WDR41: variants seen among roughly 807,000 people sequenced by gnomAD.
WDR41 encodes WD repeat domain 41, also known as WD repeat-containing protein 41.
A neutral mutation model predicts 69.3 loss-of-function variants in WDR41; 63 were observed. The observed-to-expected ratio is 0.91, with a 90% CI of 0.74 to 1.12. The LOEUF is 1.12. WDR41 is among the 50% of genes most tolerant of loss of function. The pLI is 0.00. For missense variants in WDR41, 543 were observed against 534.5 expected, an observed-to-expected ratio of 1.02 and a Z score of -0.16; for synonymous variants, 185 against 192.1, an observed-to-expected ratio of 0.96 and a Z score of 0.31.
rs1388657454 is a variant in WDR41 at position 77,472,804 on chromosome 5, A to G, written c.168-7995T>C. 4.6e-5 allele frequency among the ~76,000 whole-genome samples: 7 copies of G among 152,214 alleles called. No homozygotes were observed. The South Asian group carries it at 6.2e-4, about 14-fold the overall frequency. On this transcript the variant is annotated intron_variant, in intron 2 of 12. Transcript: ENST00000296679. Reference sequence around the variant, plus strand: ...ACAAATGGAAGAACATTCCATGCTCATGGGTAGGAAGAATCAATATCGTGA... The same window carrying G: ...ACAAATGGAAGAACATTCCATGCTCGTGGGTAGGAAGAATCAATATCGTGA...
chr5:77,611,792 A>G (rs915686017), intron 1 of WDR41, among the ~76,000 whole-genome samples: 1 of 150,092 alleles, frequency 6.7e-6, no homozygotes, highest in African/African-American at 2.5e-5. Flanking sequence ...AACTAAAATC[A>G]GAGCAGAACT....
chr5:77,538,172 C>A (rs1236731042), intron 1 of WDR41, among the ~76,000 whole-genome samples: 1 of 152,294 alleles, frequency 6.6e-6, no homozygotes, highest in East Asian at 1.9e-4. Flanking sequence ...TTATTTAGCT[C>A]CCACTTATGA....
intron 1 of WDR41, among the ~76,000 whole-genome samples, chr5:77,561,158 T>G (rs1156467151): frequency 6.6e-6 from 1 of 152,218 alleles, no homozygotes; most frequent in Admixed American, 6.5e-5. Flanking sequence ...ATTAGCCTCT[T>G]GTCAGTTATT....
At chr5:77,461,237 TGA>T (rs924633004) in intron 4 of WDR41, among the ~76,000 whole-genome samples, 3 of 152,346 alleles carry the variant, frequency 2.0e-5, no homozygotes, top group African/African-American at 2.4e-5. Context: ...CCTAACCATC[TGA>T]GAGAATTTTA....
intron 1 of WDR41, among the ~76,000 whole-genome samples, chr5:77,563,477 T>C (rs1254682949): frequency 1.3e-5 from 2 of 152,160 alleles, no homozygotes; most frequent in African/African-American, 4.8e-5. Flanking sequence ...AGTCACAGGA[T>C]ATAAACTTCA....
Position 77,569,464 on chromosome 5 carries a change from G to A in WDR41, c.42+51015C>T, listed in dbSNP as rs938626572. Among the ~76,000 whole-genome samples the A allele has an allele frequency of 4.6e-5, 7 of 151,930 alleles. No homozygotes were observed. In the East Asian group the frequency reaches 5.8e-4, roughly 13 times the overall value. On this transcript the variant is annotated intron_variant, in intron 1 of 5. Transcript: ENST00000509971. ...TTTTCATTTATGAGAAAAATATACCGTATGCCTATCAACCACCCAGAGCTC... is the reference window on the plus strand; with the variant it reads ...TTTTCATTTATGAGAAAAATATACCATATGCCTATCAACCACCCAGAGCTC...
At chr5:77,437,999 A>G (rs1472280772) in intron 10 of WDR41, among the ~76,000 whole-genome samples, 1 of 152,232 alleles carries the variant, frequency 6.6e-6, no homozygotes, top group Non-Finnish European at 1.5e-5. Context: ...CAAATTTTAA[A>G]TCATCTCTTC....
intron 1 of WDR41, among the ~76,000 whole-genome samples, chr5:77,591,030 TTTTC>T (rs1369418105): frequency 6.6e-6 from 1 of 152,292 alleles, no homozygotes; most frequent in Non-Finnish European, 1.5e-5. Flanking sequence ...GAAACTTTAT[TTTTC>T]TTTCTGAGTG....
At chr5:77,500,765 A>G (rs1802005387) in intron 1 of WDR41, among the ~76,000 whole-genome samples, 1 of 152,226 alleles carries the variant, frequency 6.6e-6, no homozygotes. Context: ...GTAGATAGAC[A>G]AGCTGCTTCT....
chr5:77,600,201 C>A (rs923713267), intron 1 of WDR41, among the ~76,000 whole-genome samples: 3 of 152,130 alleles, frequency 2.0e-5, no homozygotes, highest in Non-Finnish European at 2.9e-5. Flanking sequence ...CCAATATAAT[C>A]AAATCCCTCT....
intron 1 of WDR41, among the ~76,000 whole-genome samples, chr5:77,572,716 T>G (rs1265122226): frequency 6.6e-6 from 1 of 152,232 alleles, no homozygotes; most frequent in Non-Finnish European, 1.5e-5. Flanking sequence ...TTTTACCATT[T>G]CCAAAACAAT....
intron 4 of WDR41, 132 bp downstream of exon 4, chr5:77,462,963 G>T: frequency 2.1e-6 from 2 of 943,840 alleles, no homozygotes; most frequent in Non-Finnish European, 3.0e-6. Flanking sequence ...TATCTTATAA[G>T]TAACAGAACA....
Position 77,563,672 on chromosome 5 carries a change from C to T in WDR41, c.42+56807G>A, listed in dbSNP as rs936275120. 7.2e-5 allele frequency among the ~76,000 whole-genome samples: 11 copies of T among 152,120 alleles called. No individual in the cohort carries two copies. The East Asian group carries it at 7.7e-4, about 11-fold the overall frequency. On this transcript the variant is annotated intron_variant, in intron 1 of 5. Coordinates refer to the WDR41 transcript ENST00000509971. The stretch of plus-strand genomic sequence containing the variant: ...AGTGCTGTGTACTCTCACGAGGAAC[C>T]GGGCAGTGTGCCAGGACATACTGCA...
At chr5:77,442,105 A>G (rs367188) in intron 8 of WDR41, among the ~76,000 whole-genome samples, 85,501 of 152,048 alleles carry the variant, frequency 0.56, 24,595 homozygotes, top group African/African-American at 0.68. Flanking sequence ...ACTATACATT[A>G]GTATTTTTTT....
At chr5:77,542,649 A>G (rs1743113381) in intron 1 of WDR41, among the ~76,000 whole-genome samples, 1 of 152,250 alleles carries the variant, frequency 6.6e-6, no homozygotes, top group South Asian at 2.1e-4. Context: ...TTAGAATTAA[A>G]ATGTTCTAAG....
intron 1 of WDR41, among the ~76,000 whole-genome samples, chr5:77,523,239 G>A (rs1351517675): frequency 4.0e-5 from 6 of 151,732 alleles, no homozygotes; most frequent in African/African-American, 1.2e-4. Context: ...GCTTGAACCC[G>A]GGAGGCGGAG....
intron 1 of WDR41, among the ~76,000 whole-genome samples, chr5:77,507,898 G>C (rs1256341243): frequency 6.6e-6 from 1 of 152,022 alleles, no homozygotes; most frequent in Non-Finnish European, 1.5e-5. Flanking sequence ...TGTGCTTAAT[G>C]GTGTCTCACA....
At chr5:77,513,101 T>C (rs533807375) in intron 1 of WDR41, among the ~76,000 whole-genome samples, 66 of 152,346 alleles carry the variant, frequency 4.3e-4, no homozygotes, top group African/African-American at 1.5e-3. Context: ...TTTGAACATA[T>C]ATGGTTTTGT....
chr5:77,451,365 T>C lies in WDR41; in HGVS notation c.524-12A>G, dbSNP rs767963464. The C allele has an allele frequency of 9.9e-5, 160 of 1,610,780 alleles. No homozygotes were observed. Among genetic ancestry groups the C allele is most frequent in the African/African-American group, 1.3e-5 (1 of 74,816 alleles). On this transcript the variant is annotated splice_polypyrimidine_tract_variant and intron_variant, in intron 6 of 12. Transcript: ENST00000296679. ...CAAAGCACTAATACCTCCAAAAACA[T>C]ATAAAACAAAGTTCAAATTATTTTT...
Sources: gnomAD v4.1 joint callset for allele counts (sites outside exome capture counted in the v4.1 genomes callset) on GRCh38, gnomAD v4.1.1 for gene constraint, MANE v1.5 for transcripts, NCBI Gene and HGNC (gene_info 2026-07-23, HGNC 2026-07-21) for gene names.